DENND2C: variants seen among roughly 807,000 people sequenced by gnomAD.
DENND2C encodes the protein DENN domain-containing protein 2C.
Under a neutral mutation model 112.4 loss-of-function variants are expected in DENND2C, and 72 were observed. The ratio of observed to expected loss-of-function variants is 0.64; its 90% CI spans 0.53 to 0.78. The LOEUF is 0.78. DENND2C is among the 30% of genes least tolerant of loss of function. The pLI is 0.00. For missense variants in DENND2C, 992 were observed against 1,113.8 expected (o/e 0.89, Z 1.56); for synonymous variants, 329 against 381.6 (o/e 0.86, Z 1.61).
chr1:114,595,696 G>A, intron 17 of DENND2C, 136 bp downstream of exon 17: 1 of 751,504 alleles, frequency 1.3e-6, no homozygotes, highest in Non-Finnish European at 2.2e-6. Context: ...TGGCCATGGT[G>A]TCAATTCAAG....
At chr1:114,647,529 C>A (rs780494448) in intron 2 of DENND2C, among the ~76,000 whole-genome samples, 28 of 152,108 alleles carry the variant, frequency 1.8e-4, no homozygotes, top group Non-Finnish European at 3.8e-4. Flanking sequence ...GCTTCTAAAT[C>A]ACTTCTTTAT....
At chr1:114,669,738 C>T (rs1256468071) in intron 1 of DENND2C, among the ~76,000 whole-genome samples, 1 of 152,094 alleles carries the variant, frequency 6.6e-6, no homozygotes, top group Non-Finnish European at 1.5e-5. Context: ...TCCGCCACAA[C>T]CCGTGCGGCC....
intron 3 of DENND2C, among the ~76,000 whole-genome samples, chr1:114,640,713 C>T (rs888800017): frequency 2.6e-5 from 4 of 152,200 alleles, no homozygotes; most frequent in African/African-American, 9.7e-5. Flanking sequence ...TGAAACTGTT[C>T]GGAAACCCGA....
intron 17 of DENND2C, 27 bp from the exon 18 acceptor site, chr1:114,594,605 T>C (rs1489787512): frequency 6.3e-7 from 1 of 1,587,580 alleles, no homozygotes; most frequent in Non-Finnish European, 8.6e-7. Context: ...AATGGAGATT[T>C]TTCTTTGTTT....
chr1:114,616,399 A>G (rs1337826802), intron 8 of DENND2C, among the ~76,000 whole-genome samples: 1 of 150,246 alleles, frequency 6.7e-6, no homozygotes, highest in Non-Finnish European at 1.5e-5. Flanking sequence ...ATCCAAAAGA[A>G]AAAAAAAAAA....
intron 2 of DENND2C, among the ~76,000 whole-genome samples, chr1:114,653,352 G>A (rs1466750988): frequency 1.3e-5 from 2 of 151,956 alleles, no homozygotes; most frequent in East Asian, 1.9e-4. Flanking sequence ...CAAGCAATCC[G>A]CCTGCCTCAG....
At chr1:114,597,130 G>A (rs765517404) in intron 16 of DENND2C, among the ~76,000 whole-genome samples, 1 of 152,068 alleles carries the variant, frequency 6.6e-6, no homozygotes, top group Non-Finnish European at 1.5e-5. Context: ...AGACAAAGGG[G>A]CCAGTACCCA....
At chr1:114,618,073 C>T (rs184502387) in intron 8 of DENND2C, among the ~76,000 whole-genome samples, 3 of 151,816 alleles carry the variant, frequency 2.0e-5, no homozygotes, top group African/African-American at 4.8e-5. Flanking sequence ...ACTGCAAGCT[C>T]GGCCTCCCGG....
At position 114,625,714 on chromosome 1, in the gene DENND2C, C is replaced by G; in HGVS notation, c.271G>C (p.Asp91His). ...TTCTTATTTTCATTCTCACTTTGATCATGGCTTTTGGTATTTTCATTTATA... is the reference window on the plus strand; with the variant it reads ...TTCTTATTTTCATTCTCACTTTGATGATGGCTTTTGGTATTTTCATTTATA... Reference protein sequence around the residue: ...LDINENTKSHDQSENENKKHE... With the variant: ...LDINENTKSHHQSENENKKHE... Residue 91 changes from aspartate (D) to histidine (H), a missense_variant, in exon 4 of 21, where the codon GAT becomes CAT. Asp to His is a moderately conservative substitution (Grantham distance 81). Around this residue, in one of 3 missense-constraint regions of DENND2C, gnomAD observed 470 missense variants for 472.7 expected, o/e 0.99. Coordinates refer to ENST00000393274, the MANE Select transcript of DENND2C (RefSeq NM_001256404.2). 1 of 1,614,032 alleles carries G rather than the reference C, an allele frequency of 6.2e-7. No individual in the cohort carries two copies. The highest frequency in any genetic ancestry group is 2.2e-5 in the East Asian group (1 of 44,866).
intron 3 of DENND2C, among the ~76,000 whole-genome samples, chr1:114,628,106 G>A (rs765868846): frequency 1.3e-5 from 2 of 151,746 alleles, no homozygotes; most frequent in East Asian, 1.9e-4. Flanking sequence ...AGGAGTTTGC[G>A]ACCAGCCTGG....
chr1:114,616,406 AAAAG>A (rs1557946348), intron 8 of DENND2C, among the ~76,000 whole-genome samples: 2 of 151,876 alleles, frequency 1.3e-5, no homozygotes, highest in African/African-American at 4.8e-5. Flanking sequence ...AGAAAAAAAA[AAAAG>A]AAAATTCTGT....
At chr1:114,633,506 A>T (rs1328780807) in intron 3 of DENND2C, among the ~76,000 whole-genome samples, 1 of 151,518 alleles carries the variant, frequency 6.6e-6, no homozygotes, top group Non-Finnish European at 1.5e-5. Context: ...GGAAGGAAGG[A>T]AAAAGAAATC....
chr1:114,610,255 C>A (rs1232337520), intron 9 of DENND2C, among the ~76,000 whole-genome samples: 2 of 152,124 alleles, frequency 1.3e-5, no homozygotes, highest in Non-Finnish European at 2.9e-5. Context: ...CAAAGAGAGT[C>A]AGAAATGCAT....
intron 3 of DENND2C, among the ~76,000 whole-genome samples, chr1:114,640,879 T>A (rs1553236662): frequency 6.6e-6 from 1 of 152,220 alleles, no homozygotes; most frequent in Non-Finnish European, 1.5e-5. Flanking sequence ...GATATTTTAA[T>A]AACAAACAGC....
intron 4 of DENND2C, among the ~76,000 whole-genome samples, chr1:114,624,685 G>A (rs1018621666): frequency 1.3e-4 from 20 of 148,574 alleles, no homozygotes; most frequent in South Asian, 6.3e-4. Flanking sequence ...GCAGTGTCAC[G>A]ATCTCAGCTC....
intron 1 of DENND2C, among the ~76,000 whole-genome samples, chr1:114,662,541 A>G (rs1657527044): frequency 6.6e-6 from 1 of 152,242 alleles, no homozygotes; most frequent in Non-Finnish European, 1.5e-5. Context: ...TTTAAAAAGT[A>G]CAGCACAACC....
chr1:114,589,413 T>C (rs1384351639), intron 18 of DENND2C, among the ~76,000 whole-genome samples: 1 of 152,260 alleles, frequency 6.6e-6, no homozygotes, highest in Non-Finnish European at 1.5e-5. Context: ...GGTCTCTTTC[T>C]GAATTACATT....
At chr1:114,619,523 C>T (rs886769170) in intron 7 of DENND2C, among the ~76,000 whole-genome samples, 4 of 152,132 alleles carry the variant, frequency 2.6e-5, no homozygotes, top group African/African-American at 9.7e-5. Context: ...CCCTGCCAAC[C>T]ACTCACCCCC....
At chr1:114,661,897 T>C (rs1438065312) in intron 1 of DENND2C, among the ~76,000 whole-genome samples, 2 of 152,184 alleles carry the variant, frequency 1.3e-5, no homozygotes, top group East Asian at 1.9e-4. Flanking sequence ...AAAATAAAAT[T>C]TGGTTCAACG....
Sources: gnomAD v4.1 joint callset for allele counts (sites outside exome capture counted in the v4.1 genomes callset) on GRCh38, gnomAD v4.1.1 for gene constraint, gnomAD v4.1.1 regional missense constraint, MANE v1.5 for transcripts, NCBI Gene and HGNC (gene_info 2026-07-23, HGNC 2026-07-21) for gene names.